INPP5E: variants seen among roughly 807,000 people sequenced by gnomAD.
INPP5E encodes inositol polyphosphate-5-phosphatase E, also known as phosphatidylinositol polyphosphate 5-phosphatase type IV.
INPP5E carries 34 observed loss-of-function variants against 50.5 expected under a neutral mutation model. The observed-to-expected ratio is 0.67, with a 90% CI of 0.51 to 0.90. The LOEUF (loss-of-function observed/expected upper bound fraction) is 0.90. Among genes scored for constraint, INPP5E ranks in the 40% least tolerant of loss-of-function variants. INPP5E has a pLI of 0.00. For missense variants in INPP5E, 942 were observed against 905.5 expected, an observed-to-expected ratio of 1.04 and a Z score of -0.52; for synonymous variants, 447 against 406.0, an observed-to-expected ratio of 1.10 and a Z score of -1.21.
Position 136,431,014 on chromosome 9 carries a change from CG to C in INPP5E, c.1652del (p.Thr551SerfsTer21). On this transcript the variant is annotated frameshift_variant, in exon 8 of 10. Transcript: ENST00000371712. LOFTEE classifies it high-confidence loss of function. ...DTYDSTSKQR[T>X]PSYTDRVLYR... ...GGGCAGGCCTCACCGTGTATGAGGG[CG>C]TCCTCTGCTTGGAGGTGCTGTCGTA... 6.2e-7 allele frequency: 1 copy of C among 1,610,528 alleles called. No homozygotes were observed. The highest frequency in any genetic ancestry group is 8.5e-7 in the Non-Finnish European group (1 of 1,177,280).
chr9:136,433,930 G>A, intron 3 of INPP5E, 107 bp downstream of exon 3: 2 of 865,782 alleles, frequency 2.3e-6, no homozygotes, highest in East Asian at 2.6e-5. Context: ...CAGCCCCCGG[G>A]CAGGCACTGC....
Position 136,429,286 on chromosome 9 carries a change from A to C in INPP5E, c.*389T>G, listed in dbSNP as rs1835643592. The C allele has an allele frequency of 2.9e-6, 1 of 344,386 alleles. No homozygotes were observed. The highest frequency in any genetic ancestry group is 3.9e-5 in the Admixed American group (1 of 25,670). The allele number at this position is 344,386 out of a possible 1,614,324, so 21.3% of individuals were successfully genotyped here. A position where few individuals can be genotyped will look rare whatever the true frequency, so the allele number is the denominator to read the frequency against. ...AGATGGACGCCTGCTTCGGGTGTGG[A>C]GGGAGAGGCTGGTGCAGAGCACGGG... On this transcript the variant is annotated 3_prime_UTR_variant, in exon 10 of 10. Transcript: ENST00000371712.
At position 136,434,717 on chromosome 9, in the gene INPP5E, CAGCACCA is replaced by C; in HGVS notation, c.936+16_936+22del. ...CAGCACCACCCCACCCTTCCCCGCC[CAGCACCA>C]CCCACAGCCACTCACCTTCTGGCCC... On this transcript the variant is annotated intron_variant, in intron 2 of 9. Transcript: ENST00000371712. 1.9e-6 allele frequency: 3 copies of C among 1,599,140 alleles called. No homozygotes were observed. The highest frequency in any genetic ancestry group is 8.5e-7 in the Non-Finnish European group (1 of 1,173,144).
At chr9:136,434,983 A>G in intron 1 of INPP5E, 120 bp from the exon 2 acceptor site, 10 of 1,258,484 alleles carry the variant, frequency 7.9e-6, no homozygotes, top group Non-Finnish European at 1.1e-5. Flanking sequence ...CCCAGCCCCA[A>G]GCAAGGACTC....
intron 8 of INPP5E, among the ~76,000 whole-genome samples, chr9:136,430,619 G>A (rs985952718): frequency 3.9e-5 from 6 of 152,214 alleles, no homozygotes; most frequent in African/African-American, 7.2e-5. Context: ...TGTGGACAGC[G>A]GCTGCTCCTA....
chr9:136,429,809 TG>T lies in INPP5E; in HGVS notation c.1803-3del, dbSNP rs779919473. The T allele has an allele frequency of 3.1e-6, 5 of 1,601,750 alleles. No individual in the cohort carries two copies. On this transcript the variant is annotated splice_region_variant and splice_polypyrimidine_tract_variant and intron_variant, in intron 9 of 9. Transcript: ENST00000371712. ...AATTTGCCAGCTGCCAACGGAATGC[TG>T]TGGAGGAGGAGGGGGCGTTAGGAGG...
intron 5 of INPP5E, 79 bp downstream of exon 5, chr9:136,432,877 C>T: frequency 6.5e-7 from 1 of 1,547,692 alleles, no homozygotes; most frequent in Non-Finnish European, 8.8e-7. Flanking sequence ...GGTCAGGACC[C>T]CTGCCTTGGA....
chr9:136,439,064 T>C lies in INPP5E; in HGVS notation c.356A>G (p.Glu119Gly), dbSNP rs1564437596. The change falls in exon 1 of 10, where the codon GAG (glutamate) becomes GGG (glycine). Residue 119 changes from glutamate to glycine, a missense_variant. Glu to Gly is a moderately conservative substitution (Grantham distance 98). Coordinates refer to ENST00000371712, the MANE Select transcript of INPP5E (RefSeq NM_019892.6). ...TSPSRGSVQS[E>G]GPGAPAHSCS... ...GCTGTGGGCGGGGGCCCCGGGGCCC[T>C]CGCTCTGCACTGAGCCCCTGGAGGG... 1.9e-6 allele frequency: 3 copies of C among 1,567,328 alleles called. No individual in the cohort carries two copies. The highest frequency in any genetic ancestry group is 2.6e-6 in the Non-Finnish European group (3 of 1,156,966).
rs1182947994 is a variant in INPP5E, at chr9:136,439,047, C to CG, written c.372dup (p.Ala125ArgfsTer26). 1 of 1,568,438 alleles carries CG rather than the reference C, an allele frequency of 6.4e-7. No homozygotes were observed. The highest frequency in any genetic ancestry group is 1.3e-5 in the African/African-American group (1 of 74,102). Reference sequence around the variant, plus strand: ...AGGCAGGGCGGGGAGCAGCTGTGGGCGGGGGCCCCGGGGCCCTCGCTCTGC... The same window carrying CG: ...AGGCAGGGCGGGGAGCAGCTGTGGGCGGGGGGCCCCGGGGCCCTCGCTCTGC... On this transcript the variant is annotated frameshift_variant, in exon 1 of 10. Transcript: ENST00000371712. LOFTEE classifies it high-confidence loss of function.
In INPP5E at chr9:136,438,895, G is replaced by A. The variant is rs1035971936; in HGVS notation, c.525C>T (p.Asp175=). ...TGGGCGAGCTCCCCGCCACGGCGGC[G>A]TCTCTGTGCGGGAGGTTCGGGGAGC... ...ASSSPNLPHR[D]AAVAGSSPRL... Residue 175 remains aspartate (D), a synonymous_variant, in exon 1 of 10, where the codon GAC becomes GAT. Transcript: ENST00000371712. 1.9e-6 allele frequency: 3 copies of A among 1,583,536 alleles called. No homozygotes were observed. Among genetic ancestry groups the A allele is most frequent in the African/African-American group, 1.3e-5 (1 of 74,344 alleles).
rs1024279229 is a variant in INPP5E, at chr9:136,430,410, G to A, written c.1669C>T (p.Arg557Cys). 10 of 1,555,142 alleles carry A rather than the reference G, an allele frequency of 6.4e-6. No homozygotes were observed. The African/African-American group carries it at 6.8e-5, about 11-fold the overall frequency. ...TTGTGGCGGCTTCTGTACAAGACGC[G>A]GTCCTTTGGGAAGATTGCAGAGGCA... ...SKQRTPSYTD[R>C]VLYRSRHKGD... Residue 557 changes from arginine to cysteine, a missense_variant, in exon 9 of 10, where the codon CGC (arginine) becomes TGC (cysteine). Physicochemically the swap from Arg to Cys is radical, Grantham distance 180. Transcript: ENST00000371712.
chr9:136,437,035 G>A (rs143097968), intron 1 of INPP5E: 4 of 152,340 alleles, frequency 2.6e-5, no homozygotes, highest in African/African-American at 9.6e-5. Context: ...GATGCACTAA[G>A]AAATCTCACT....
rs889233026 is a variant in INPP5E at position 136,430,195 on chromosome 9, C to T, written c.1802+82G>A. 41 of 1,518,156 alleles carry T rather than the reference C, an allele frequency of 2.7e-5. No homozygotes were observed. The East Asian group carries it at 6.4e-4, about 24-fold the overall frequency. The allele number at this position is 1,518,156 out of a possible 1,614,324, so 94.0% of individuals were successfully genotyped here. ...GAACAAAGCCCCAAGTGGAACCCCA[C>T]GATGACAGGGACCCTCTTAGCTCAT... On this transcript the variant is annotated intron_variant, in intron 9 of 9. Transcript: ENST00000371712.
At chr9:136,430,554 C>T in intron 8 of INPP5E, 141 bp from the exon 9 acceptor site, 2 of 1,073,564 alleles carry the variant, frequency 1.9e-6, no homozygotes, top group South Asian at 2.8e-5. Flanking sequence ...CATTTTGTTG[C>T]CTGGCGTCTG....
Position 136,434,087 on chromosome 9 carries a change from G to A in INPP5E, c.984C>T (p.Asp328=). The A allele has an allele frequency of 1.2e-6, 2 of 1,611,176 alleles. No homozygotes were observed. Among genetic ancestry groups the A allele is most frequent in the African/African-American group, 1.3e-5 (1 of 75,060 alleles). Residue 328 remains aspartate, a synonymous_variant, in exon 3 of 10, where the codon GAC becomes GAT. Transcript: ENST00000371712. ...CGATGACATACAGGTCCTGGGCATA[G>A]TCGGCCTCGGCTGGGAGCAGGAACT... ...LDEFLLPAEA[D]YAQDLYVIGV...
intron 9 of INPP5E, 60 bp from the exon 10 acceptor site, chr9:136,429,867 A>C: frequency 3.2e-6 from 4 of 1,251,116 alleles, no homozygotes; most frequent in Non-Finnish European, 3.4e-6. Context: ...GGGCGTTAGG[A>C]GGGGGCCGGC....
intron 1 of INPP5E, chr9:136,437,858 C>A (rs1835862149): frequency 6.5e-6 from 1 of 152,776 alleles, no homozygotes; most frequent in Non-Finnish European, 1.5e-5. Flanking sequence ...GACCCCAAGA[C>A]AAGACCAGGC....
rs756888841 is a variant in INPP5E, at chr9:136,430,332, C to T, written c.1747G>A (p.Asp583Asn). 8 of 1,552,596 alleles carry T rather than the reference C, an allele frequency of 5.2e-6. No individual in the cohort carries two copies. Among genetic ancestry groups the T allele is most frequent in the South Asian group, 2.4e-5 (2 of 84,126 alleles). ...YSSCPGIKTS[D>N]HRPVYGLFRV... is the part of the protein sequence containing the mutation. The stretch of plus-strand genomic sequence containing the variant: ...AAGAGGCCATACACAGGGCGGTGGT[C>T]GGACGTCTTGATCCCGGGGCAGGAA... The change falls in exon 9 of 10, where the codon GAC becomes AAC. Residue 583 changes from aspartate (D) to asparagine (N), a missense_variant. Physicochemically the swap from Asp to Asn is conservative, Grantham distance 23. Transcript: ENST00000371712.
At chr9:136,435,621 G>A (rs941795285) in intron 1 of INPP5E, 2 of 152,348 alleles carry the variant, frequency 1.3e-5, no homozygotes, top group African/African-American at 2.4e-5. Context: ...TAAACACCGT[G>A]TGGCACAGCA....
Sources: allele counts gnomAD v4.1 joint callset (sites outside exome capture counted in the v4.1 genomes callset), GRCh38; gene constraint gnomAD v4.1.1; transcripts MANE v1.5; gene names NCBI Gene and HGNC (gene_info 2026-07-23, HGNC 2026-07-21).